Variants in EYS observed in about 807,000 individuals in gnomAD.
EYS encodes the protein EGF-like photoreceptor maintenance factor.
Under a neutral mutation model 282.1 loss-of-function variants are expected in EYS, and 250 were observed. The observed-to-expected ratio is 0.89, with a 90% CI of 0.80 to 0.98. The LOEUF (loss-of-function observed/expected upper bound fraction) is 0.98, where lower values mean the gene tolerates loss of function less well. Among genes scored for constraint, EYS ranks in the 50% least tolerant of loss-of-function variants. The pLI is 0.00. For synonymous variants in EYS, 1,355 were observed against 1,282.9 expected (o/e 1.06, Z -1.20); for missense variants, 4,016 against 3,709.0 (o/e 1.08, Z -2.15).
chr6:64,872,527 G>A (rs1307937889), intron 19 of EYS, among the ~76,000 whole-genome samples: 1 of 151,998 alleles, frequency 6.6e-6, no homozygotes, highest in Non-Finnish European at 1.5e-5. Flanking sequence ...ACATGGAAGT[G>A]GAAGTCAAGA....
At chr6:65,169,176 T>C (rs1041761004) in intron 12 of EYS, among the ~76,000 whole-genome samples, 3 of 151,424 alleles carry the variant, frequency 2.0e-5, no homozygotes, top group African/African-American at 7.3e-5. Context: ...TGAATCTGTT[T>C]TCATGTAGAG....
chr6:64,351,083 TA>T (rs1771617312), intron 29 of EYS, among the ~76,000 whole-genome samples: 1 of 132,776 alleles, frequency 7.5e-6, no homozygotes, highest in African/African-American at 2.9e-5. Context: ...TTTTTTTTAA[TA>T]AATTACCCAG....
intron 27 of EYS, among the ~76,000 whole-genome samples, chr6:64,438,327 A>T (rs1774818822): frequency 6.6e-6 from 1 of 151,788 alleles, no homozygotes; most frequent in Admixed American, 6.6e-5. Context: ...TACAACACAC[A>T]TTTTTAAAAT....
intron 22 of EYS, among the ~76,000 whole-genome samples, chr6:64,710,360 A>G (rs1771166056): frequency 6.6e-6 from 1 of 152,214 alleles, no homozygotes; most frequent in African/African-American, 2.4e-5. Context: ...CTCAGGTGGA[A>G]AAGGAGAGTG....
intron 36 of EYS, among the ~76,000 whole-genome samples, chr6:63,819,934 C>T (rs774136139): frequency 3.9e-5 from 6 of 152,070 alleles, no homozygotes; most frequent in Admixed American, 2.0e-4. Flanking sequence ...ATCAGGGGTC[C>T]GGGTTGTTTG....
At position 65,657,261 on chromosome 6, in the gene EYS, G is replaced by A. The variant is rs185610823; in HGVS notation, c.-447-17369C>T. ...TATCCTTCTGTAGCCCATGGATTGA[G>A]GAGTGATTTTTACTTTCAAATTTTA... On this transcript the variant is annotated intron_variant, in intron 1 of 42. Transcript: ENST00000503581. 2.0e-5 allele frequency among the ~76,000 whole-genome samples: 3 copies of A among 151,948 alleles called. No homozygotes were observed. In the East Asian group the frequency reaches 5.8e-4, roughly 29 times the overall value.
Position 63,789,106 on chromosome 6 carries a change from T to C in EYS, c.7530A>G (p.Gly2510=), listed in dbSNP as rs2149670876. The change falls in exon 38 of 43, where the codon GGA becomes GGG. Residue 2510 remains glycine, a synonymous_variant. Coordinates refer to ENST00000503581, the MANE Select transcript of EYS (RefSeq NM_001142800.2). ...ACTTGCCCAGATGAACAGTGTGGAC[T>C]CCAAGGCTCAGATTGAGGGGCTCGC... ...IRSEPLNLSL[G]VHTVHLGKFF... 1 of 1,551,636 alleles carries C rather than the reference T, an allele frequency of 6.4e-7. No individual in the cohort carries two copies. Among genetic ancestry groups the C allele is most frequent in the Non-Finnish European group, 8.7e-7 (1 of 1,146,940 alleles).
intron 22 of EYS, among the ~76,000 whole-genome samples, chr6:64,757,925 C>A (rs1404868521): frequency 6.6e-6 from 1 of 152,102 alleles, no homozygotes; most frequent in African/African-American, 2.4e-5. Flanking sequence ...GCTGGGACTA[C>A]AGGCGCCCGC....
At chr6:64,683,696 A>C (rs1769984716) in intron 22 of EYS, among the ~76,000 whole-genome samples, 1 of 152,196 alleles carries the variant, frequency 6.6e-6, no homozygotes. Context: ...ACACACAAAA[A>C]GCTCAGCAAA....
At chr6:64,731,139 T>A (rs1771949472) in intron 22 of EYS, 1 of 152,040 alleles carries the variant, frequency 6.6e-6, no homozygotes, top group Non-Finnish European at 1.5e-5. Context: ...CAAGATAGAT[T>A]AAATACTTAA....
intron 18 of EYS, among the ~76,000 whole-genome samples, chr6:64,898,902 G>A (rs1287663667): frequency 1.3e-5 from 2 of 151,624 alleles, no homozygotes; most frequent in African/African-American, 4.9e-5. Context: ...AACAAGAAGA[G>A]CTAACTATCC....
intron 11 of EYS, among the ~76,000 whole-genome samples, chr6:65,318,156 C>T (rs543605420): frequency 7.0e-6 from 1 of 142,720 alleles, no homozygotes; most frequent in East Asian, 2.3e-4. Context: ...CGTGAGCCAC[C>T]GCGCCCGGCT....
intron 12 of EYS, among the ~76,000 whole-genome samples, chr6:65,127,555 T>C (rs956147746): frequency 7.2e-5 from 11 of 152,080 alleles, no homozygotes; most frequent in Non-Finnish European, 1.5e-4. Context: ...AACAGAAATA[T>C]ATTAATGGAA....
chr6:65,295,853 A>T lies in EYS; in HGVS notation c.2023+10T>A, dbSNP rs761021964. ...AGAAAATTTAATTTATCAGGAAAAA[A>T]AAAACTTGCCTTTAAATCCTGGGAC... On this transcript the variant is annotated intron_variant, in intron 12 of 42. Coordinates refer to ENST00000503581, the MANE Select transcript of EYS (RefSeq NM_001142800.2). The T allele has an allele frequency of 1.8e-5, 27 of 1,525,836 alleles. No individual in the cohort carries two copies. Among genetic ancestry groups the T allele is most frequent in the Non-Finnish European group, 8.8e-7 (1 of 1,139,238 alleles). 94.5% of individuals were successfully genotyped at this position (1,525,836 alleles called of 1,614,324 possible). A position where few individuals can be genotyped will look rare whatever the true frequency, so the allele number is the denominator to read the frequency against.
intron 36 of EYS, among the ~76,000 whole-genome samples, chr6:63,835,705 G>A (rs1771787083): frequency 6.6e-6 from 1 of 151,960 alleles, no homozygotes; most frequent in Non-Finnish European, 1.5e-5. Flanking sequence ...AATACCACCT[G>A]TAGCCCAATA....
At chr6:64,417,910 G>A (rs1398025320) in intron 28 of EYS, among the ~76,000 whole-genome samples, 3 of 152,060 alleles carry the variant, frequency 2.0e-5, no homozygotes, top group Non-Finnish European at 4.4e-5. Flanking sequence ...GACCTCAAGG[G>A]ATCCACCTGC....
At chr6:65,040,776 G>T (rs1412957716) in intron 13 of EYS, among the ~76,000 whole-genome samples, 2 of 151,632 alleles carry the variant, frequency 1.3e-5, no homozygotes, top group African/African-American at 4.8e-5. Context: ...GGAAGCCCAA[G>T]CTAGTCATAC....
chr6:64,784,453 A>G (rs1348998606), intron 22 of EYS, among the ~76,000 whole-genome samples: 3 of 152,094 alleles, frequency 2.0e-5, no homozygotes, highest in African/African-American at 7.2e-5. Context: ...AATAGGTAAT[A>G]TGGTTTGCTA....
chr6:64,339,978 A>T (rs1189241969), intron 29 of EYS, among the ~76,000 whole-genome samples: 1 of 151,624 alleles, frequency 6.6e-6, no homozygotes, highest in Non-Finnish European at 1.5e-5. Flanking sequence ...GTCCACCAAA[A>T]TCTCACAAAT....
Sources: allele counts gnomAD v4.1 joint callset (sites outside exome capture counted in the v4.1 genomes callset), GRCh38; gene constraint gnomAD v4.1.1; transcripts MANE v1.5; gene names NCBI Gene and HGNC (gene_info 2026-07-23, HGNC 2026-07-21).